Variants in GALNT13 observed in about 807,000 individuals in gnomAD.
GALNT13 encodes UDP-GalNAc:polypeptide N-acetylgalactosaminyltransferase 13.
In GALNT13, 28 loss-of-function variants were observed where a neutral mutation model predicts 64.2. The observed-to-expected ratio is 0.44, with a 90% CI of 0.32 to 0.60. GALNT13 has a LOEUF of 0.60. Ranked by LOEUF, GALNT13 falls within the 20% of genes least tolerant of loss-of-function variation. The probability of loss-of-function intolerance (pLI) is 0.05; values close to 1 mark genes in which losing one functional copy is unlikely to be tolerated. For synonymous variants in GALNT13, 214 were observed against 224.6 expected (o/e 0.95, Z 0.42); for missense variants, 577 against 669.8 (o/e 0.86, Z 1.53).
At chr2:154,213,825 T>A (rs1258991133) in intron 4 of GALNT13, among the ~76,000 whole-genome samples, 2 of 152,180 alleles carry the variant, frequency 1.3e-5, no homozygotes, top group Admixed American at 1.3e-4. Flanking sequence ...ATTTTGTATT[T>A]ACCTAAAATC....
the GALNT13 span, among the ~76,000 whole-genome samples, chr2:153,555,567 T>C: frequency 6.6e-6 from 1 of 152,218 alleles, no homozygotes; most frequent in Non-Finnish European, 1.5e-5. Flanking sequence ...TAGGCATTAT[T>C]CTAACAACTT....
At chr2:154,225,125 TA>T (rs1688525916) in intron 4 of GALNT13, among the ~76,000 whole-genome samples, 4 of 140,562 alleles carry the variant, frequency 2.8e-5, no homozygotes, top group African/African-American at 1.1e-4. Context: ...GATAGATAGA[TA>T]GATAGATAGA....
the GALNT13 span, among the ~76,000 whole-genome samples, chr2:153,335,389 G>A: frequency 9.2e-5 from 14 of 152,298 alleles, no homozygotes; most frequent in Non-Finnish European, 1.8e-4. Flanking sequence ...GAATGGCTTC[G>A]CCCAAAATTC....
chr2:153,502,567 T>C, the GALNT13 span, among the ~76,000 whole-genome samples: 1 of 152,232 alleles, frequency 6.6e-6, no homozygotes. Flanking sequence ...CAAGTCTCTT[T>C]TGTGTATAAT....
intron 4 of GALNT13, among the ~76,000 whole-genome samples, chr2:154,222,079 AT>A (rs150357669): frequency 0.02 from 2,970 of 151,988 alleles, 82 homozygotes; most frequent in African/African-American, 0.06. Flanking sequence ...TTTAAAAAAT[AT>A]TTTTTTCTCA....
chr2:153,444,855 T>C, the GALNT13 span, among the ~76,000 whole-genome samples: 1 of 152,178 alleles, frequency 6.6e-6, no homozygotes, highest in Non-Finnish European at 1.5e-5. Flanking sequence ...ATGTTAGTTG[T>C]TCCCAGCTTG....
At chr2:153,263,961 C>A in the GALNT13 span, among the ~76,000 whole-genome samples, 10 of 152,130 alleles carry the variant, frequency 6.6e-5, no homozygotes, top group African/African-American at 2.2e-4. Context: ...TCTAATTAAA[C>A]TTAAGAGCTT....
chr2:153,404,514 A>ATTT, the GALNT13 span, among the ~76,000 whole-genome samples: 85 of 150,172 alleles, frequency 5.7e-4, 1 homozygote, highest in African/African-American at 2.0e-3. Flanking sequence ...TTTTCAAAAG[A>ATTT]TTTTTTTTTT....
intron 4 of GALNT13, among the ~76,000 whole-genome samples, chr2:154,143,376 G>T (rs754028154): frequency 6.6e-5 from 10 of 151,970 alleles, no homozygotes; most frequent in Non-Finnish European, 1.2e-4. Context: ...GCTGTAGTGT[G>T]ATAAAATGAG....
the GALNT13 span, among the ~76,000 whole-genome samples, chr2:153,210,028 CATTA>C: frequency 6.6e-6 from 1 of 151,976 alleles, no homozygotes; most frequent in Non-Finnish European, 1.5e-5. Flanking sequence ...TGGTATTGTA[CATTA>C]ATTGTGTATC....
intron 4 of GALNT13, among the ~76,000 whole-genome samples, chr2:154,199,355 G>A (rs1687050061): frequency 1.3e-5 from 2 of 152,098 alleles, no homozygotes; most frequent in East Asian, 3.9e-4. Context: ...TGCAAAAAAT[G>A]TTTTAGGTTT....
At chr2:153,751,040 G>A in the GALNT13 span, among the ~76,000 whole-genome samples, 1 of 151,600 alleles carries the variant, frequency 6.6e-6, no homozygotes, top group South Asian at 2.1e-4. Flanking sequence ...AAATTTTTTA[G>A]TTTCCTTCTT....
At chr2:153,907,460 T>A (rs1171987896) in intron 2 of GALNT13, among the ~76,000 whole-genome samples, 1 of 151,916 alleles carries the variant, frequency 6.6e-6, no homozygotes, top group Admixed American at 6.6e-5. Flanking sequence ...GTAGGTAAAC[T>A]TGTGTCATGG....
rs34850083 is a variant in GALNT13 at position 154,242,021 on chromosome 2, CT to C, written c.312-4del. On this transcript the variant is annotated splice_polypyrimidine_tract_variant and splice_region_variant and intron_variant, in intron 4 of 12. Transcript: ENST00000392825. ...TTTATTAAGATCCCTCTTCTTTTCT[CT>C]TTTTCAGATGTAAGACAAAAGTCTA... 3 of 1,552,128 alleles carry C rather than the reference CT, an allele frequency of 1.9e-6. No individual in the cohort carries two copies.
the GALNT13 span, among the ~76,000 whole-genome samples, chr2:153,071,400 G>A: frequency 6.6e-6 from 1 of 152,152 alleles, no homozygotes; most frequent in Non-Finnish European, 1.5e-5. Flanking sequence ...CACTAAAACT[G>A]CCATGCAGCA....
At chr2:154,235,097 A>T (rs1409434582) in intron 4 of GALNT13, among the ~76,000 whole-genome samples, 1 of 152,138 alleles carries the variant, frequency 6.6e-6, no homozygotes, top group Admixed American at 6.6e-5. Flanking sequence ...GCCAAGAAGT[A>T]TGGGAGCGTT....
chr2:153,298,291 C>T, the GALNT13 span, among the ~76,000 whole-genome samples: 3 of 152,192 alleles, frequency 2.0e-5, no homozygotes, highest in Admixed American at 2.0e-4. Context: ...ATGCAGATCA[C>T]ACACTCAAAG....
chr2:154,222,844 T>C (rs1309373720), intron 4 of GALNT13, among the ~76,000 whole-genome samples: 1 of 152,286 alleles, frequency 6.6e-6, no homozygotes, highest in East Asian at 1.9e-4. Context: ...GTGGTACCTG[T>C]GATTGGTGTC....
At chr2:153,405,243 C>G in the GALNT13 span, among the ~76,000 whole-genome samples, 2 of 152,094 alleles carry the variant, frequency 1.3e-5, no homozygotes, top group Non-Finnish European at 2.9e-5. Flanking sequence ...GAGTCTGAAC[C>G]TATGTGAAGA....
Sources: gnomAD v4.1 joint callset for allele counts (sites outside exome capture counted in the v4.1 genomes callset) on GRCh38, gnomAD v4.1.1 for gene constraint, MANE v1.5 for transcripts, NCBI Gene and HGNC (gene_info 2026-07-23, HGNC 2026-07-21) for gene names.